Variants in SPAST observed in about 807,000 individuals in gnomAD.
SPAST encodes the protein spastin, also known as spastic paraplegia 4 (autosomal dominant; spastin).
Under a neutral mutation model 76.6 loss-of-function variants are expected in SPAST, and 30 were observed. The observed-to-expected ratio is 0.39, with a 90% confidence interval of 0.29 to 0.53. The LOEUF is 0.53. SPAST is among the 20% of genes least tolerant of loss of function. The pLI is 0.68. For missense variants in SPAST, 717 were observed against 770.5 expected (o/e 0.93, Z 0.82); for synonymous variants, 305 against 281.0 (o/e 1.09, Z -0.86).
At chr2:32,134,668 T>C (rs1479670893) in intron 9 of SPAST, among the ~76,000 whole-genome samples, 2 of 152,066 alleles carry the variant, frequency 1.3e-5, no homozygotes, top group Admixed American at 1.3e-4. Flanking sequence ...AGTATTGTTG[T>C]GGAAGTTAGG....
intron 7 of SPAST, among the ~76,000 whole-genome samples, chr2:32,123,130 C>T (rs1257549226): frequency 6.6e-6 from 1 of 151,864 alleles, no homozygotes; most frequent in Non-Finnish European, 1.5e-5. Context: ...GGCATGGTGG[C>T]GGGTGCCTGT....
At chr2:32,074,415 G>A (rs1676869946) in intron 1 of SPAST, among the ~76,000 whole-genome samples, 1 of 152,140 alleles carries the variant, frequency 6.6e-6, no homozygotes, top group African/African-American at 2.4e-5. Flanking sequence ...CTGATATTCT[G>A]TAAGTGCCAG....
intron 4 of SPAST, among the ~76,000 whole-genome samples, chr2:32,103,116 G>A (rs1363169705): frequency 6.6e-6 from 1 of 152,082 alleles, no homozygotes; most frequent in Non-Finnish European, 1.5e-5. Context: ...TTGGTTAGTA[G>A]GCTATTAATT....
chr2:32,110,338 T>C (rs1678505696), intron 4 of SPAST, among the ~76,000 whole-genome samples: 1 of 149,424 alleles, frequency 6.7e-6, no homozygotes, highest in South Asian at 2.1e-4. Context: ...CAGGCTGTTC[T>C]CAAACTCCTG....
intron 4 of SPAST, among the ~76,000 whole-genome samples, chr2:32,110,622 A>G (rs1018908977): frequency 2.2e-5 from 3 of 136,970 alleles, no homozygotes; most frequent in Admixed American, 7.7e-5. Context: ...TATAGTGTAT[A>G]TATAGTATAT....
intron 9 of SPAST, among the ~76,000 whole-genome samples, chr2:32,135,498 AAAG>A (rs555765208): frequency 1.2e-4 from 18 of 152,166 alleles, no homozygotes; most frequent in Non-Finnish European, 2.5e-4. Context: ...TCTTCAGTAA[AAAG>A]AATAAATGCC....
intron 12 of SPAST, among the ~76,000 whole-genome samples, chr2:32,137,455 G>C (rs1457313418): frequency 6.6e-6 from 1 of 152,178 alleles, no homozygotes; most frequent in East Asian, 1.9e-4. Context: ...CTTTAAACTT[G>C]AAAATTGATT....
At chr2:32,149,321 A>T (rs1298045739) in intron 16 of SPAST, among the ~76,000 whole-genome samples, 2 of 147,124 alleles carry the variant, frequency 1.4e-5, no homozygotes, top group East Asian at 4.0e-4. Flanking sequence ...TGGGTCTCGA[A>T]CTCCTGACCT....
chr2:32,089,464 A>G, intron 2 of SPAST, 58 bp from the exon 3 acceptor site: 1 of 970,272 alleles, frequency 1.0e-6, no homozygotes, highest in Admixed American at 1.8e-5. Context: ...GTGATAATTT[A>G]TCGTGAAACA....
intron 3 of SPAST, among the ~76,000 whole-genome samples, chr2:32,094,604 C>T (rs1036009064): frequency 2.0e-5 from 3 of 152,174 alleles, no homozygotes; most frequent in African/African-American, 7.2e-5. Flanking sequence ...TGTCACAACA[C>T]GCAGGGCTGT....
chr2:32,086,757 CAAAA>C (rs530365221), intron 1 of SPAST, among the ~76,000 whole-genome samples: 1 of 126,094 alleles, frequency 7.9e-6, no homozygotes, highest in Non-Finnish European at 1.7e-5. Flanking sequence ...GACTCTGTCT[CAAAA>C]AAAAAAGAAA....
At chr2:32,068,714 A>G (rs1210611957) in intron 1 of SPAST, among the ~76,000 whole-genome samples, 3 of 152,078 alleles carry the variant, frequency 2.0e-5, no homozygotes. Context: ...TTACTTAAAG[A>G]TTCATTTTCC....
At chr2:32,118,888 G>A (rs1678928825) in intron 7 of SPAST, among the ~76,000 whole-genome samples, 1 of 152,122 alleles carries the variant, frequency 6.6e-6, no homozygotes, top group African/African-American at 2.4e-5. Flanking sequence ...GCTTTACCCA[G>A]GCCTATAGAG....
At chr2:32,093,798 T>A (rs771107678) in intron 3 of SPAST, among the ~76,000 whole-genome samples, 1 of 151,796 alleles carries the variant, frequency 6.6e-6, no homozygotes, top group Non-Finnish European at 1.5e-5. Flanking sequence ...TAAATGAATG[T>A]TAAATGAAGC....
At chr2:32,118,810 A>G (rs1678926562) in intron 7 of SPAST, among the ~76,000 whole-genome samples, 2 of 152,208 alleles carry the variant, frequency 1.3e-5, no homozygotes, top group African/African-American at 2.4e-5. Flanking sequence ...GTAGAAAAAT[A>G]TATCTAAAAT....
At chr2:32,104,882 A>C (rs958130124) in intron 4 of SPAST, among the ~76,000 whole-genome samples, 24 of 152,118 alleles carry the variant, frequency 1.6e-4, no homozygotes, top group African/African-American at 5.3e-4. Flanking sequence ...GCTGCCCTTA[A>C]CATTTTTTCC....
Position 32,155,540 on chromosome 2 carries a change from C to A in SPAST, c.*1044C>A, listed in dbSNP as rs1680225016. Reference sequence around the variant, plus strand: ...TCCCTTCAATGAAACTTTAAAAAAACTGAATTTTTATACATGGCATACATT... The same window carrying A: ...TCCCTTCAATGAAACTTTAAAAAAAATGAATTTTTATACATGGCATACATT... On this transcript the variant is annotated 3_prime_UTR_variant, in exon 17 of 17. Coordinates refer to ENST00000315285, the MANE Select transcript of SPAST (RefSeq NM_014946.4). 1 of 152,340 alleles carries A rather than the reference C, an allele frequency of 6.6e-6. No individual in the cohort carries two copies. The highest frequency in any genetic ancestry group is 6.6e-5 in the Admixed American group (1 of 15,254). The allele number at this position is 152,340 out of a possible 1,614,324, so 9.4% of individuals were successfully genotyped here.
At chr2:32,072,297 C>T (rs565876031) in intron 1 of SPAST, among the ~76,000 whole-genome samples, 1 of 152,294 alleles carries the variant, frequency 6.6e-6, no homozygotes, top group South Asian at 2.1e-4. Flanking sequence ...CCCGCCTCGG[C>T]CTCCCAAAGT....
intron 1 of SPAST, among the ~76,000 whole-genome samples, chr2:32,070,175 C>G (rs1454885538): frequency 1.3e-5 from 2 of 151,738 alleles, no homozygotes; most frequent in Non-Finnish European, 2.9e-5. Flanking sequence ...AAGCGATTCT[C>G]CTGCCTCAGT....
Sources: allele counts gnomAD v4.1 joint callset (sites outside exome capture counted in the v4.1 genomes callset), GRCh38; gene constraint gnomAD v4.1.1; transcripts MANE v1.5; gene names NCBI Gene and HGNC (gene_info 2026-07-23, HGNC 2026-07-21).